The following MYO7A variants were observed in gnomAD, a reference collection of about 807,000 sequenced individuals.
MYO7A encodes unconventional myosin-VIIa.
A neutral mutation model predicts 263.8 loss-of-function variants in MYO7A; 210 were observed. The observed-to-expected ratio is 0.80, with a 90% CI of 0.71 to 0.89. MYO7A has a LOEUF of 0.89. Among genes scored for constraint, MYO7A ranks in the 40% least tolerant of loss-of-function variants. MYO7A has a pLI of 0.00. For missense variants in MYO7A, 2,820 were observed against 2,968.3 expected, an observed-to-expected ratio of 0.95 and a Z score of 1.16; for synonymous variants, 1,239 against 1,197.3, an observed-to-expected ratio of 1.03 and a Z score of -0.72.
At chr11:77,210,616 C>T (rs542444917) in intron 44 of MYO7A, among the ~76,000 whole-genome samples, 3 of 152,300 alleles carry the variant, frequency 2.0e-5, no homozygotes, top group South Asian at 4.1e-4. Flanking sequence ...CTGTGGGCAG[C>T]GCCAGCCCTT....
intron 39 of MYO7A, among the ~76,000 whole-genome samples, chr11:77,204,991 A>G (rs1404683740): frequency 2.0e-5 from 3 of 152,186 alleles, no homozygotes; most frequent in East Asian, 1.9e-4. Flanking sequence ...GTCAGGCCCA[A>G]GAAGCTCAGA....
chr11:77,144,038 C>T (rs1951391593), intron 3 of MYO7A, among the ~76,000 whole-genome samples: 1 of 152,132 alleles, frequency 6.6e-6, no homozygotes, highest in Non-Finnish European at 1.5e-5. Flanking sequence ...AACTGAGGCA[C>T]ATAGAGGGAC....
At position 77,211,213 on chromosome 11, in the gene MYO7A, G is replaced by A. The variant is rs1957843153; in HGVS notation, c.6113G>A (p.Gly2038Glu). 6.3e-7 allele frequency: 1 copy of A among 1,592,254 alleles called. No individual in the cohort carries two copies. Among genetic ancestry groups the A allele is most frequent in the Non-Finnish European group, 8.5e-7 (1 of 1,169,896 alleles). ...KCTREEVLQL[G>E]ALIYRVKFEE... ...ACGCGGGAGGAGGTGCTGCAGCTGG[G>A]GGCGCTGATCTACAGGGTCAAGTTC... Residue 2038 changes from glycine (G) to glutamate (E), a missense_variant, in exon 45 of 49, where the codon GGG becomes GAG. By Grantham distance (98) the Gly-to-Glu change is moderately conservative. Coordinates refer to ENST00000409709, the MANE Select transcript of MYO7A (RefSeq NM_000260.4).
chr11:77,205,411 G>C, intron 39 of MYO7A, 51 bp from the exon 40 acceptor site: 1 of 1,535,748 alleles, frequency 6.5e-7, no homozygotes. Flanking sequence ...CACAGGTCCT[G>C]TGACTCCCGA....
intron 4 of MYO7A, among the ~76,000 whole-genome samples, chr11:77,154,372 G>T (rs941375879): frequency 6.6e-6 from 1 of 152,198 alleles, no homozygotes; most frequent in Non-Finnish European, 1.5e-5. Context: ...TGAGAGCAGG[G>T]CCTGGTGGGC....
chr11:77,170,052 C>CA (rs1372764071), intron 15 of MYO7A, among the ~76,000 whole-genome samples: 2 of 152,186 alleles, frequency 1.3e-5, no homozygotes. Flanking sequence ...GCCTGGGCGA[C>CA]AGAGTGAGAC....
chr11:77,163,108 A>ATG, intron 14 of MYO7A, 120 bp downstream of exon 14: 2 of 1,052,042 alleles, frequency 1.9e-6, no homozygotes, highest in Non-Finnish European at 2.7e-6. Flanking sequence ...TTATTCATAT[A>ATG]TATATATATA....
chr11:77,202,469 G>A (rs981064015), intron 37 of MYO7A, 45 bp downstream of exon 37: 1 of 1,536,632 alleles, frequency 6.5e-7, no homozygotes, highest in East Asian at 2.5e-5. Flanking sequence ...GCTAGGAGCT[G>A]CAGGCTTCCG....
intron 26 of MYO7A, 36 bp from the exon 27 acceptor site, chr11:77,184,551 CT>C: frequency 6.5e-7 from 1 of 1,542,008 alleles, no homozygotes; most frequent in African/African-American, 1.4e-5. Context: ...GGGAACACCC[CT>C]AACTTTACCT....
intron 18 of MYO7A, among the ~76,000 whole-genome samples, chr11:77,177,136 C>T (rs1340339723): frequency 6.6e-6 from 1 of 152,046 alleles, no homozygotes; most frequent in East Asian, 1.9e-4. Flanking sequence ...CAGGAGGCCG[C>T]GAGACCTTTA....
rs182159313 is a variant in MYO7A, at chr11:77,205,341, G to A, written c.5481-121G>A. ...GGTCCTGAGATAGGGTAAAGGTCAG[G>A]AGGGACGGTGCTGCTGTGATGAGCA... On this transcript the variant is annotated intron_variant, in intron 39 of 48. Transcript: ENST00000409709. 5 of 1,212,224 alleles carry A rather than the reference G, an allele frequency of 4.1e-6. No homozygotes were observed. In the African/African-American group the frequency reaches 7.5e-5, roughly 18 times the overall value. The allele number at this position is 1,212,224 out of a possible 1,614,324, so 75.1% of individuals were successfully genotyped here. A position where few individuals can be genotyped will look rare whatever the true frequency, so the allele number is the denominator to read the frequency against.
intron 11 of MYO7A, among the ~76,000 whole-genome samples, 197 bp downstream of exon 11, chr11:77,160,479 A>G (rs1952892373): frequency 6.6e-6 from 1 of 152,166 alleles, no homozygotes; most frequent in Non-Finnish European, 1.5e-5. Context: ...TGGCCGCCCC[A>G]GGCCCTTGGC....
chr11:77,212,546 G>A (rs1957955671), intron 46 of MYO7A: 3 of 344,320 alleles, frequency 8.7e-6, no homozygotes, highest in South Asian at 5.0e-5. Context: ...GGGTCTGAGG[G>A]GCACAACAGA....
chr11:77,207,619 G>T (rs962246467), intron 42 of MYO7A, among the ~76,000 whole-genome samples: 1 of 152,146 alleles, frequency 6.6e-6, no homozygotes, highest in Non-Finnish European at 1.5e-5. Flanking sequence ...CCCTCTTAGG[G>T]GCATGTGCCC....
chr11:77,181,860 C>A, intron 23 of MYO7A, 91 bp from the exon 24 acceptor site: 2 of 1,154,418 alleles, frequency 1.7e-6, no homozygotes. Context: ...TCACAGCTCA[C>A]TGCAGCCTTG....
chr11:77,180,286 C>A (rs1955064712), intron 21 of MYO7A, 88 bp from the exon 22 acceptor site: 1 of 896,980 alleles, frequency 1.1e-6, no homozygotes, highest in Non-Finnish European at 1.7e-6. Flanking sequence ...AGTTCCAGAA[C>A]TCAGAGTTGG....
At chr11:77,180,020 T>A (rs1555083097) in intron 21 of MYO7A, 67 bp downstream of exon 21, 1 of 1,444,972 alleles carries the variant, frequency 6.9e-7, no homozygotes, top group East Asian at 2.5e-5. Context: ...TGCATCACCC[T>A]CAGGTGTTGG....
Position 77,173,666 on chromosome 11 carries a change from G to A in MYO7A, c.1935+781G>A, listed in dbSNP as rs955717875. On this transcript the variant is annotated intron_variant, in intron 16 of 48. Transcript: ENST00000409709. Reference sequence around the variant, plus strand: ...AGGCACAGGGGGAAGCTGGGGCCTCGGGATCTGGGGAGGGAAGGAAGGCCG... The same window carrying A: ...AGGCACAGGGGGAAGCTGGGGCCTCAGGATCTGGGGAGGGAAGGAAGGCCG... 4.6e-5 allele frequency among the ~76,000 whole-genome samples: 7 copies of A among 152,226 alleles called. No homozygotes were observed. The East Asian group carries it at 9.7e-4, about 21-fold the overall frequency.
intron 15 of MYO7A, among the ~76,000 whole-genome samples, chr11:77,167,169 T>A (rs1438173020): frequency 1.3e-5 from 2 of 152,096 alleles, no homozygotes; most frequent in Non-Finnish European, 2.9e-5. Context: ...GTGTTTGGTT[T>A]TTGAGTTGTG....
Sources: allele counts gnomAD v4.1 joint callset (sites outside exome capture counted in the v4.1 genomes callset), GRCh38; gene constraint gnomAD v4.1.1; transcripts MANE v1.5; gene names NCBI Gene and HGNC (gene_info 2026-07-23, HGNC 2026-07-21).